TTBK2: variants seen among roughly 807,000 people sequenced by gnomAD.
The protein encoded by TTBK2 is tau tubulin kinase 2.
Under a neutral mutation model 110.8 loss-of-function variants are expected in TTBK2, and 28 were observed. The observed-to-expected ratio is 0.25, with a 90% CI of 0.19 to 0.35. The LOEUF (loss-of-function observed/expected upper bound fraction) is 0.35. Among genes scored for constraint, TTBK2 ranks in the 10% least tolerant of loss-of-function variants. The probability of loss-of-function intolerance (pLI) is 1.00; values close to 1 mark genes in which losing one functional copy is unlikely to be tolerated. For synonymous variants in TTBK2, 532 were observed against 527.3 expected (o/e 1.01, Z -0.12); for missense variants, 1,369 against 1,500.3 (o/e 0.91, Z 1.45).
chr15:42,756,794 A>T (rs2061953067), intron 13 of TTBK2, among the ~76,000 whole-genome samples: 1 of 151,856 alleles, frequency 6.6e-6, no homozygotes, highest in Non-Finnish European at 1.5e-5. Context: ...GCTACTCAAG[A>T]GGCTGAGGCA....
intron 13 of TTBK2, among the ~76,000 whole-genome samples, chr15:42,763,172 A>ATG (rs1889147981): frequency 7.0e-5 from 1 of 14,326 alleles, no homozygotes; most frequent in Non-Finnish European, 1.2e-4. Flanking sequence ...ATATATATAT[A>ATG]TATATATATA....
rs558485377 is a variant in TTBK2, at chr15:42,768,741, C to A, written c.1998+6394G>T. On this transcript the variant is annotated intron_variant, in intron 13 of 14. Coordinates refer to ENST00000267890, the MANE Select transcript of TTBK2 (RefSeq NM_173500.4). ...ATCAAGCTACCAATGACTTTCTTCA[C>A]AGAATTGGAAAAAAACTACTTTAAA... Among the ~76,000 whole-genome samples the A allele has an allele frequency of 5.1e-4, 78 of 152,214 alleles. No homozygotes were observed. In the Middle Eastern group the frequency reaches 0.014, roughly 27 times the overall value.
At chr15:42,811,907 A>G (rs1891736479) in intron 7 of TTBK2, 127 bp from the exon 8 acceptor site, 2 of 669,570 alleles carry the variant, frequency 3.0e-6, no homozygotes, top group East Asian at 3.2e-5. Context: ...CCAAAAAATT[A>G]TATGATAAAC....
At chr15:42,857,548 T>C (rs2141069688) in intron 3 of TTBK2, 1 of 152,070 alleles carries the variant, frequency 6.6e-6, no homozygotes, top group South Asian at 2.1e-4. Flanking sequence ...AGTCCATTCA[T>C]TAAAAGAAAG....
rs746856774 is a variant in TTBK2 at position 42,742,770 on chromosome 15, T to C, written c.*3025A>G. 1 of 152,240 alleles carries C rather than the reference T, an allele frequency of 6.6e-6. No individual in the cohort carries two copies. The highest frequency in any genetic ancestry group is 1.5e-5 in the Non-Finnish European group (1 of 68,038). The allele number at this position is 152,240 out of a possible 1,614,324, so 9.4% of individuals were successfully genotyped here. ...TTAGTATAGTTTGGCTTGACCTTAATAGCCATGTCCCTCATCTTAGATAGA... is the reference window on the plus strand; with the variant it reads ...TTAGTATAGTTTGGCTTGACCTTAACAGCCATGTCCCTCATCTTAGATAGA... On this transcript the variant is annotated 3_prime_UTR_variant, in exon 15 of 15. Transcript: ENST00000267890.
intron 13 of TTBK2, 62 bp downstream of exon 13, chr15:42,775,073 G>T (rs927304682): frequency 1.3e-5 from 20 of 1,553,302 alleles, no homozygotes; most frequent in East Asian, 2.2e-5. Context: ...TCAACTGTTA[G>T]TCCTTTCTTA....
chr15:42,784,735 T>C (rs1890334251), intron 10 of TTBK2, among the ~76,000 whole-genome samples: 1 of 152,168 alleles, frequency 6.6e-6, no homozygotes, highest in Non-Finnish European at 1.5e-5. Context: ...CTGGTATATC[T>C]AAAGACCAAA....
intron 6 of TTBK2, among the ~76,000 whole-genome samples, chr15:42,821,640 AT>A (rs1488897377): frequency 6.7e-6 from 1 of 149,806 alleles, no homozygotes; most frequent in African/African-American, 2.5e-5. Context: ...TGTTTTAACC[AT>A]TCTAACTGGT....
chr15:42,852,899 T>G (rs1893777970), intron 3 of TTBK2, among the ~76,000 whole-genome samples: 1 of 152,188 alleles, frequency 6.6e-6, no homozygotes, highest in Non-Finnish European at 1.5e-5. Flanking sequence ...TACATAAGGT[T>G]AAAGGATAGA....
intron 3 of TTBK2, among the ~76,000 whole-genome samples, chr15:42,841,196 A>C (rs1226758620): frequency 6.6e-6 from 1 of 152,152 alleles, no homozygotes; most frequent in Non-Finnish European, 1.5e-5. Flanking sequence ...TGAGCTTTTC[A>C]AAAGTTCGTT....
intron 13 of TTBK2, among the ~76,000 whole-genome samples, chr15:42,774,879 C>T (rs1029091481): frequency 6.6e-6 from 1 of 152,122 alleles, no homozygotes; most frequent in African/African-American, 2.4e-5. Context: ...CGCTTGTAGT[C>T]TAATTAAAAA....
Position 42,752,945 on chromosome 15 carries a change from C to T in TTBK2, c.2301G>A (p.Val767=). ...KELPDHNRLV[V]REFENLPGET... ...CCCCAGGGAGATTTTCAAATTCTCT[C>T]ACAACCAGTCTATTATGATCAGGAA... Residue 767 remains valine (V), a synonymous_variant, in exon 14 of 15, where the codon GTG becomes GTA. Transcript: ENST00000267890. 2 of 1,614,222 alleles carry T rather than the reference C, an allele frequency of 1.2e-6. No homozygotes were observed. The highest frequency in any genetic ancestry group is 1.7e-6 in the Non-Finnish European group (2 of 1,180,032).
chr15:42,911,312 T>G (rs1472749396), intron 1 of TTBK2, among the ~76,000 whole-genome samples: 1 of 151,698 alleles, frequency 6.6e-6, no homozygotes, highest in East Asian at 1.9e-4. Context: ...CATCGAGAGG[T>G]AGGACTGTGC....
intron 1 of TTBK2, among the ~76,000 whole-genome samples, chr15:42,901,829 A>G (rs569745195): frequency 6.6e-6 from 1 of 152,306 alleles, no homozygotes; most frequent in East Asian, 1.9e-4. Context: ...AAAGGACTTG[A>G]ATAGACACTT....
chr15:42,815,925 TTTAAAA>T lies in TTBK2; in HGVS notation c.603+1101_603+1106del, dbSNP rs1257137609. Among the ~76,000 whole-genome samples, 53 of 66,452 alleles carry T rather than the reference TTTAAAA, an allele frequency of 8.0e-4. 3 individuals are homozygous for T. Among genetic ancestry groups the T allele is most frequent in the African/African-American group, 5.5e-3 (52 of 9,454 alleles). 43.6% of individuals were successfully genotyped at this position (66,452 alleles called of 152,430 possible). A position where few individuals can be genotyped will look rare whatever the true frequency, so the allele number is the denominator to read the frequency against. On this transcript the variant is annotated intron_variant, in intron 7 of 14. Transcript: ENST00000267890. ...ATATATATTTAAAAATATATATATA[TTTAAAA>T]ATATATATATATATATTTAAAAAAA... is the stretch of plus-strand genomic sequence containing the variant.
chr15:42,764,916 G>C (rs951174846), intron 13 of TTBK2, among the ~76,000 whole-genome samples: 1 of 152,200 alleles, frequency 6.6e-6, no homozygotes, highest in Non-Finnish European at 1.5e-5. Context: ...CCAGAGGAAG[G>C]ATCAGGCAGC....
At chr15:42,919,789 A>T (rs2141229568) in intron 1 of TTBK2, 1 of 985,404 alleles carries the variant, frequency 1.0e-6, no homozygotes, top group Middle Eastern at 5.2e-4. Context: ...ATACAAAATT[A>T]ACTTCGCTGT....
intron 1 of TTBK2, among the ~76,000 whole-genome samples, chr15:42,884,906 C>T (rs1252019412): frequency 6.6e-6 from 1 of 152,104 alleles, no homozygotes; most frequent in East Asian, 1.9e-4. Flanking sequence ...TGTTTCCCCC[C>T]ACCCTTAATA....
At position 42,815,886 on chromosome 15, in the gene TTBK2, ATT is replaced by A. The variant is rs530143101; in HGVS notation, c.603+1144_603+1145del. Reference sequence around the variant, plus strand: ...TATATATATATTTAAATATATATATATTTAAAAATATATATATATATTTAAAA... The same window carrying A: ...TATATATATATTTAAATATATATATATAAAAATATATATATATATTTAAAA... On this transcript the variant is annotated intron_variant, in intron 7 of 14. Transcript: ENST00000267890. Among the ~76,000 whole-genome samples, 334 of 107,312 alleles carry A rather than the reference ATT, an allele frequency of 3.1e-3. 2 individuals carry two copies. The highest frequency in any genetic ancestry group is 0.013 in the African/African-American group (257 of 20,162). 70.4% of individuals were successfully genotyped at this position (107,312 alleles called of 152,430 possible).
Sources: gnomAD v4.1 joint callset for allele counts (sites outside exome capture counted in the v4.1 genomes callset) on GRCh38, gnomAD v4.1.1 for gene constraint, MANE v1.5 for transcripts, NCBI Gene and HGNC (gene_info 2026-07-23, HGNC 2026-07-21) for gene names.